The following TRPM3 variants were observed in gnomAD, a reference collection of about 807,000 sequenced individuals.
TRPM3 encodes long transient receptor potential channel 3.
In TRPM3, 77 loss-of-function variants were observed where a neutral mutation model predicts 181.2. The ratio of observed to expected loss-of-function variants is 0.42; its 90% confidence interval spans 0.35 to 0.51. The LOEUF (loss-of-function observed/expected upper bound fraction) is 0.51, where lower values mean the gene tolerates loss of function less well. TRPM3 is among the 20% of genes least tolerant of loss of function. The pLI, the probability that TRPM3 is intolerant of heterozygous loss-of-function variation, is 0.01. For missense variants in TRPM3, 1,759 were observed against 2,196.7 expected (o/e 0.80, Z 3.98); for synonymous variants, 745 against 796.4 (o/e 0.94, Z 1.09).
intron 14 of TRPM3, among the ~76,000 whole-genome samples, chr9:70,622,657 T>C (rs993392544): frequency 7.2e-5 from 11 of 152,218 alleles, no homozygotes; most frequent in Non-Finnish European, 1.5e-4. Context: ...CCCTGATCTA[T>C]ATTTACCAGG....
chr9:71,414,166 T>C (rs149361295), intron 1 of TRPM3, among the ~76,000 whole-genome samples: 1 of 152,132 alleles, frequency 6.6e-6, no homozygotes, highest in African/African-American at 2.4e-5. Context: ...GCATGTCCTG[T>C]GGTCTACAAA....
chr9:70,861,265 G>A (rs1039932838), intron 3 of TRPM3, among the ~76,000 whole-genome samples: 10 of 152,062 alleles, frequency 6.6e-5, no homozygotes, highest in East Asian at 1.9e-4. Flanking sequence ...ATAAATTGTC[G>A]GGAATCACTC....
intron 1 of TRPM3, among the ~76,000 whole-genome samples, chr9:71,052,917 G>A (rs2060218804): frequency 6.6e-6 from 1 of 151,780 alleles, no homozygotes; most frequent in African/African-American, 2.4e-5. Flanking sequence ...AATGGCCACT[G>A]GAAGCTATAT....
Position 71,385,320 on chromosome 9 carries a change from G to A in TRPM3, c.183+61333C>T, listed in dbSNP as rs79272329. Among the ~76,000 whole-genome samples, 694 of 152,152 alleles carry A rather than the reference G, an allele frequency of 4.6e-3. 4 individuals carry two copies. Among genetic ancestry groups the A allele is most frequent in the African/African-American group, 6.5e-3 (268 of 41,506 alleles). ...TTAGAAAAAAGAACACAATTTAAACGCATGTAAAATTTGGTACCCAGCATG... is the reference window on the plus strand; with the variant it reads ...TTAGAAAAAAGAACACAATTTAAACACATGTAAAATTTGGTACCCAGCATG... On this transcript the variant is annotated intron_variant, in intron 1 of 24. Coordinates refer to the TRPM3 transcript ENST00000357533.
At chr9:71,405,201 G>A (rs576214818) in intron 1 of TRPM3, among the ~76,000 whole-genome samples, 261 of 152,254 alleles carry the variant, frequency 1.7e-3, no homozygotes, top group African/African-American at 5.7e-3. Context: ...TTCATCGAGT[G>A]TAACATATAA....
chr9:71,182,944 G>A (rs1259739951), intron 1 of TRPM3, among the ~76,000 whole-genome samples: 1 of 152,104 alleles, frequency 6.6e-6, no homozygotes, highest in Non-Finnish European at 1.5e-5. Flanking sequence ...TTACAGGCAT[G>A]AGCCACCATG....
chr9:71,255,529 A>G (rs567373960), intron 1 of TRPM3, among the ~76,000 whole-genome samples: 5 of 152,178 alleles, frequency 3.3e-5, no homozygotes, highest in African/African-American at 7.2e-5. Context: ...AACATCACTT[A>G]GTATAAAAGA....
chr9:70,610,208 T>C (rs992923233), intron 19 of TRPM3, among the ~76,000 whole-genome samples: 2 of 152,098 alleles, frequency 1.3e-5, no homozygotes, highest in African/African-American at 4.8e-5. Flanking sequence ...ACCTCCACAC[T>C]CTCCTCACTC....
At chr9:71,396,702 CT>C (rs913019788) in intron 1 of TRPM3, among the ~76,000 whole-genome samples, 2 of 151,690 alleles carry the variant, frequency 1.3e-5, no homozygotes, top group Admixed American at 1.3e-4. Flanking sequence ...TGGCTCACAC[CT>C]GTAAATCCCA....
intron 1 of TRPM3, among the ~76,000 whole-genome samples, chr9:70,977,745 G>C (rs894495075): frequency 6.6e-6 from 1 of 152,144 alleles, no homozygotes; most frequent in African/African-American, 2.4e-5. Context: ...AACTCAGGAA[G>C]GCACCTTACT....
At chr9:71,316,951 T>C (rs1274946845) in intron 1 of TRPM3, among the ~76,000 whole-genome samples, 3 of 152,204 alleles carry the variant, frequency 2.0e-5, no homozygotes, top group Non-Finnish European at 4.4e-5. Context: ...TTTGAATTCT[T>C]TTCTAGTAAG....
At chr9:71,115,963 T>C (rs2072275272) in intron 1 of TRPM3, among the ~76,000 whole-genome samples, 1 of 152,212 alleles carries the variant, frequency 6.6e-6, no homozygotes, top group South Asian at 2.1e-4. Flanking sequence ...TGCTGGGTTT[T>C]AGTTTGGTCC....
At chr9:71,131,187 C>T (rs551796504) in intron 1 of TRPM3, among the ~76,000 whole-genome samples, 1 of 152,286 alleles carries the variant, frequency 6.6e-6, no homozygotes, top group Non-Finnish European at 1.5e-5. Context: ...AGTTTTGTTT[C>T]CTGTCACGGG....
chr9:70,591,494 A>G (rs2132533189), intron 21 of TRPM3, among the ~76,000 whole-genome samples: 1 of 152,292 alleles, frequency 6.6e-6, no homozygotes, highest in Non-Finnish European at 1.5e-5. Flanking sequence ...GGTCCCACAT[A>G]GGCTAGGCAT....
intron 1 of TRPM3, among the ~76,000 whole-genome samples, chr9:70,927,705 A>C (rs1362164462): frequency 2.6e-5 from 4 of 152,134 alleles, no homozygotes; most frequent in Non-Finnish European, 4.4e-5. Context: ...GTACCCCACA[A>C]AAGAGAGGTT....
At chr9:71,049,352 T>C (rs2059809319) in intron 1 of TRPM3, among the ~76,000 whole-genome samples, 2 of 152,116 alleles carry the variant, frequency 1.3e-5, no homozygotes, top group African/African-American at 4.8e-5. Flanking sequence ...AGGAAAACTC[T>C]CCAAAATATA....
chr9:70,747,505 T>C (rs752890691), intron 8 of TRPM3, among the ~76,000 whole-genome samples: 21 of 152,120 alleles, frequency 1.4e-4, no homozygotes, highest in Non-Finnish European at 2.8e-4. Flanking sequence ...TACTTTACGT[T>C]CAAAAGAGTG....
At chr9:70,601,641 A>C (rs1026179288) in intron 20 of TRPM3, among the ~76,000 whole-genome samples, 1 of 152,170 alleles carries the variant, frequency 6.6e-6, no homozygotes, top group Non-Finnish European at 1.5e-5. Context: ...GGGAATCTTC[A>C]GTTGACCCCT....
chr9:70,833,922 C>T (rs1433875012), intron 5 of TRPM3, among the ~76,000 whole-genome samples: 2 of 151,928 alleles, frequency 1.3e-5, no homozygotes, highest in African/African-American at 2.4e-5. Context: ...AGATGGGATA[C>T]CACTGAGAAG....
Sources: gnomAD v4.1 joint callset for allele counts (sites outside exome capture counted in the v4.1 genomes callset) on GRCh38, gnomAD v4.1.1 for gene constraint, MANE v1.5 for transcripts, NCBI Gene and HGNC (gene_info 2026-07-23, HGNC 2026-07-21) for gene names.